The following CARS2 variants were observed in gnomAD, a reference collection of about 807,000 sequenced individuals.
The protein encoded by CARS2 is cysteinyl-tRNA synthetase 2, mitochondrial.
A neutral mutation model predicts 68.8 loss-of-function variants in CARS2; 52 were observed. The observed-to-expected ratio is 0.76, with a 90% CI of 0.61 to 0.95. The LOEUF (loss-of-function observed/expected upper bound fraction) is 0.95. Ranked by LOEUF, CARS2 falls within the 40% of genes least tolerant of loss-of-function variation. The pLI, the probability that CARS2 is intolerant of heterozygous loss-of-function variation, is 0.00. For synonymous variants in CARS2, 314 were observed against 303.6 expected (o/e 1.03, Z -0.36); for missense variants, 780 against 754.2 (o/e 1.03, Z -0.40).
chr13:110,664,550 C>T, intron 8 of CARS2: 1 of 930,420 alleles, frequency 1.1e-6, no homozygotes, highest in Non-Finnish European at 1.3e-6. Flanking sequence ...AACCAACCAA[C>T]CAATTAGAAT....
At chr13:110,704,514 A>T (rs2063883461) in intron 2 of CARS2, among the ~76,000 whole-genome samples, 1 of 152,214 alleles carries the variant, frequency 6.6e-6, no homozygotes, top group African/African-American at 2.4e-5. Flanking sequence ...ATTTGAGGTC[A>T]GGAGTTCGAG....
At chr13:110,648,383 C>T (rs1328108428) in intron 10 of CARS2, 1 of 152,212 alleles carries the variant, frequency 6.6e-6, no homozygotes, top group African/African-American at 2.4e-5. Flanking sequence ...AGGATGGAGA[C>T]GCCTTCTGCC....
rs189846815 is a variant in CARS2, at chr13:110,644,676, G to A, written c.1318-193C>T. Reference sequence around the variant, plus strand: ...GACCATACAACTATAGGTGCATGAGGAATCTCTTGTGCCTCAGTTTACCCA... The same window carrying A: ...GACCATACAACTATAGGTGCATGAGAAATCTCTTGTGCCTCAGTTTACCCA... On this transcript the variant is annotated intron_variant, in intron 12 of 14. Transcript: ENST00000257347. 4.6e-5 allele frequency: 44 copies of A among 948,234 alleles called. No homozygotes were observed. In the African/African-American group the frequency reaches 7.1e-4, roughly 15 times the overall value. The allele number at this position is 948,234 out of a possible 1,614,324, so 58.7% of individuals were successfully genotyped here. A position where few individuals can be genotyped will look rare whatever the true frequency, so the allele number is the denominator to read the frequency against.
chr13:110,706,400 G>T, upstream of CARS2: 1 of 202,800 alleles, frequency 4.9e-6, no homozygotes, highest in Non-Finnish European at 9.9e-6. Context: ...TATTAGCCCA[G>T]GTCCTGCGAG....
intron 9 of CARS2, among the ~76,000 whole-genome samples, chr13:110,654,078 C>G (rs1373120346): frequency 6.6e-6 from 1 of 152,158 alleles, no homozygotes; most frequent in African/African-American, 2.4e-5. Context: ...CCATGTGAGC[C>G]CCAGTGAGCT....
upstream of CARS2, among the ~76,000 whole-genome samples, chr13:110,710,778 T>C (rs2064020115): frequency 6.6e-6 from 1 of 152,236 alleles, no homozygotes; most frequent in Admixed American, 6.5e-5. Flanking sequence ...AACTTTTCAC[T>C]ACTGTATCCC....
At chr13:110,688,719 G>C (rs878973318) in intron 3 of CARS2, 1 of 152,396 alleles carries the variant, frequency 6.6e-6, no homozygotes, top group African/African-American at 2.4e-5. Context: ...AGACCAGCCT[G>C]GCCAACACGG....
chr13:110,709,142 T>C (rs2064006287), upstream of CARS2, among the ~76,000 whole-genome samples: 1 of 151,578 alleles, frequency 6.6e-6, no homozygotes, highest in Admixed American at 6.6e-5. Context: ...TGCAATGGCG[T>C]GATCTCCTGG....
chr13:110,668,337 A>G lies in CARS2; in HGVS notation c.786-864T>C, dbSNP rs2062706397. Among the ~76,000 whole-genome samples, 1 of 152,120 alleles carries G rather than the reference A, an allele frequency of 6.6e-6. No individual in the cohort carries two copies. The highest frequency in any genetic ancestry group is 1.5e-5 in the Non-Finnish European group (1 of 68,020). On this transcript the variant is annotated intron_variant, in intron 7 of 14. Coordinates refer to ENST00000257347, the MANE Select transcript of CARS2 (RefSeq NM_024537.4). The surrounding 1 kb of genome is among the most constrained non-coding windows in gnomAD (Gnocchi z 4.1). ...GGCAGGCGGATCACAAGGTCAGGAGATCGAGACCATCCTGGCTAACATGGT... is the reference window on the plus strand; with the variant it reads ...GGCAGGCGGATCACAAGGTCAGGAGGTCGAGACCATCCTGGCTAACATGGT...
intron 3 of CARS2, among the ~76,000 whole-genome samples, chr13:110,700,025 C>T (rs2063737490): frequency 6.6e-6 from 1 of 152,252 alleles, no homozygotes; most frequent in South Asian, 2.1e-4. Context: ...TCCCACCTGG[C>T]AGGGGTACTT....
intron 3 of CARS2, among the ~76,000 whole-genome samples, chr13:110,692,921 C>T (rs2063513574): frequency 6.6e-6 from 1 of 151,662 alleles, no homozygotes; most frequent in African/African-American, 2.4e-5. Flanking sequence ...ACCAGTCTGA[C>T]CAACATGGTG....
chr13:110,679,261 G>T (rs977051979), intron 6 of CARS2, among the ~76,000 whole-genome samples: 5 of 152,048 alleles, frequency 3.3e-5, no homozygotes, highest in Non-Finnish European at 5.9e-5. Flanking sequence ...TGGGCGCGGT[G>T]GCTCACACCT....
Position 110,687,736 on chromosome 13 carries a change from A to T in CARS2, c.556T>A (p.Tyr186Asn). The stretch of plus-strand genomic sequence containing the variant: ...TAAACCCTACCTTTTGCCGTTGAAT[A>T]AGCGTTCCCACGAGCAATGATTCCT... Reference protein sequence around the residue: ...IEGIIARGNAYSTAKGNVYFD... With the variant: ...IEGIIARGNANSTAKGNVYFD... The change falls in exon 5 of 15, where the codon TAT (tyrosine) becomes AAT (asparagine). Residue 186 changes from tyrosine (Y) to asparagine (N), a missense_variant. Coordinates refer to ENST00000257347, the MANE Select transcript of CARS2 (RefSeq NM_024537.4). 6.2e-7 allele frequency: 1 copy of T among 1,608,118 alleles called. No homozygotes were observed. The highest frequency in any genetic ancestry group is 8.5e-7 in the Non-Finnish European group (1 of 1,175,874).
chr13:110,673,015 G>A (rs992524590), intron 7 of CARS2, among the ~76,000 whole-genome samples: 4 of 152,290 alleles, frequency 2.6e-5, no homozygotes, highest in Admixed American at 2.0e-4. Flanking sequence ...GACTAAACCA[G>A]GAAGAAGTTG....
intron 7 of CARS2, among the ~76,000 whole-genome samples, chr13:110,669,022 G>A (rs1053846571): frequency 2.0e-5 from 3 of 152,158 alleles, no homozygotes; most frequent in Non-Finnish European, 2.9e-5. Context: ...TAGAAGTAAA[G>A]TGTGACTGGT....
intron 13 of CARS2, chr13:110,644,096 CTT>C: frequency 7.5e-7 from 1 of 1,327,800 alleles, no homozygotes; most frequent in Non-Finnish European, 9.9e-7. Flanking sequence ...TTCTGAGAGT[CTT>C]TGAACATAAA....
intron 6 of CARS2, among the ~76,000 whole-genome samples, chr13:110,682,359 C>A (rs923948787): frequency 7.3e-4 from 111 of 152,278 alleles, no homozygotes; most frequent in Middle Eastern, 3.4e-3. Flanking sequence ...CCGGCCTGTG[C>A]GGGGAGCGGG....
In CARS2 at chr13:110,668,602, C is replaced by A. The variant is rs1566686874; in HGVS notation, c.786-1129G>T. 6.6e-6 allele frequency among the ~76,000 whole-genome samples: 1 copy of A among 151,878 alleles called. No individual in the cohort carries two copies. The stretch of plus-strand genomic sequence containing the variant: ...GTCGTCTTAGGGTAACTCTAACATT[C>A]CCTGCAGTTCAAATGCTGTGAAGGA... On this transcript the variant is annotated intron_variant, in intron 7 of 14. Transcript: ENST00000257347. The surrounding 1 kb of genome is among the most constrained non-coding windows in gnomAD (Gnocchi z 4.1).
At position 110,676,732 on chromosome 13, in the gene CARS2, G is replaced by C. The variant is rs888818523; in HGVS notation, c.785+242C>G. 4.6e-5 allele frequency among the ~76,000 whole-genome samples: 7 copies of C among 152,102 alleles called. No individual in the cohort carries two copies. The highest frequency in any genetic ancestry group is 1.7e-4 in the African/African-American group (7 of 41,416). On this transcript the variant is annotated intron_variant, in intron 7 of 14. Transcript: ENST00000257347. This position sits in a 1 kb window ranked among gnomAD's most constrained non-coding sequence, Gnocchi z 4.0. The stretch of plus-strand genomic sequence containing the variant: ...GAGGGAACAGGGCAGCTGCAAGTGT[G>C]AACCAAAAAGCAGCCTCTCCACTAA...
Sources: gnomAD v4.1 joint callset for allele counts (sites outside exome capture counted in the v4.1 genomes callset) on GRCh38, gnomAD v4.1.1 for gene constraint, Gnocchi (gnomAD v3.1) non-coding constraint, MANE v1.5 for transcripts, NCBI Gene and HGNC (gene_info 2026-07-23, HGNC 2026-07-21) for gene names.